Variants in NRXN3 observed in about 807,000 individuals in gnomAD.
NRXN3 encodes the protein neurexin 3, also known as neurexin III.
A neutral mutation model predicts 137.6 loss-of-function variants in NRXN3; 32 were observed. The observed-to-expected ratio is 0.23, with a 90% confidence interval of 0.18 to 0.31. The LOEUF (loss-of-function observed/expected upper bound fraction) is 0.31, where lower values mean the gene tolerates loss of function less well. Ranked by LOEUF, NRXN3 falls within the 10% of genes least tolerant of loss-of-function variation. The pLI, the probability that NRXN3 is intolerant of heterozygous loss-of-function variation, is 1.00. For missense variants in NRXN3, 1,574 were observed against 2,062.5 expected (o/e 0.76, Z 4.59); for synonymous variants, 798 against 784.5 (o/e 1.02, Z -0.29).
intron 14 of NRXN3, among the ~76,000 whole-genome samples, chr14:78,969,941 A>G (rs1205315244): frequency 6.6e-6 from 1 of 151,656 alleles, no homozygotes; most frequent in Non-Finnish European, 1.5e-5. Flanking sequence ...TCAATCAGGG[A>G]TTTTTGTCTC....
chr14:79,346,153 C>T (rs1372306071), intron 15 of NRXN3, among the ~76,000 whole-genome samples: 1 of 152,210 alleles, frequency 6.6e-6, no homozygotes, highest in Admixed American at 6.5e-5. Flanking sequence ...GGCACAGTGG[C>T]TCACGCCTAT....
At chr14:78,616,535 T>C (rs554460413) in intron 4 of NRXN3, among the ~76,000 whole-genome samples, 2 of 152,334 alleles carry the variant, frequency 1.3e-5, no homozygotes, top group East Asian at 1.9e-4. Flanking sequence ...CGTCCATCTG[T>C]AGGCTTTTCT....
intron 4 of NRXN3, among the ~76,000 whole-genome samples, chr14:78,333,524 C>T (rs576177360): frequency 6.6e-6 from 1 of 152,102 alleles, no homozygotes; most frequent in African/African-American, 2.4e-5. Flanking sequence ...TAGATAGATG[C>T]TGGTAGGTGA....
At position 79,861,628 on chromosome 14, in the gene NRXN3, A is replaced by C. The variant is rs2099414003; in HGVS notation, c.4380A>C (p.Leu1460=). ...ACAGCACCAAACTGAAGAGCCCACT[A>C]ATTACTTCCCCCATGTTCCGTAATG... ...ELDSTKLKSP[L]ITSPMFRNVP... The change falls in exon 21 of 21, where the codon CTA becomes CTC. Residue 1460 remains leucine, a synonymous_variant. Coordinates refer to ENST00000335750, the MANE Select transcript of NRXN3 (RefSeq NM_001330195.2). This position sits in a 1 kb window ranked among gnomAD's most constrained non-coding sequence, Gnocchi z 5.4. The C allele has an allele frequency of 1.2e-6, 2 of 1,613,982 alleles. No individual in the cohort carries two copies. Among genetic ancestry groups the C allele is most frequent in the Non-Finnish European group, 1.7e-6 (2 of 1,180,004 alleles).
intron 15 of NRXN3, among the ~76,000 whole-genome samples, chr14:79,141,657 G>A (rs2058797033): frequency 6.6e-6 from 1 of 152,146 alleles, no homozygotes; most frequent in Non-Finnish European, 1.5e-5. Flanking sequence ...ACATTTAAAA[G>A]TAGTTAGTTA....
At chr14:79,562,168 A>T (rs2097503934) in intron 16 of NRXN3, among the ~76,000 whole-genome samples, 1 of 152,156 alleles carries the variant, frequency 6.6e-6, no homozygotes, top group African/African-American at 2.4e-5. Context: ...GCCAGTTTAA[A>T]TTACTTGCCT....
chr14:79,079,129 C>T (rs1041562282), intron 15 of NRXN3, among the ~76,000 whole-genome samples: 4 of 152,152 alleles, frequency 2.6e-5, no homozygotes, highest in Non-Finnish European at 5.9e-5. Flanking sequence ...ATTCCTGGTA[C>T]CTGTATTCAG....
At chr14:78,476,230 A>G (rs1567699131) in intron 4 of NRXN3, among the ~76,000 whole-genome samples, 2 of 152,248 alleles carry the variant, frequency 1.3e-5, no homozygotes, top group African/African-American at 4.8e-5. Context: ...AAAAGACTAT[A>G]AACAAAGAAA....
chr14:78,510,297 G>A (rs1012702708), intron 4 of NRXN3, among the ~76,000 whole-genome samples: 11 of 151,862 alleles, frequency 7.2e-5, no homozygotes, highest in African/African-American at 2.7e-4. Flanking sequence ...TACTTAATGA[G>A]GAAGCTATAA....
chr14:78,534,207 C>T (rs1025360920), intron 4 of NRXN3, among the ~76,000 whole-genome samples: 9 of 152,198 alleles, frequency 5.9e-5, no homozygotes, highest in African/African-American at 2.2e-4. Flanking sequence ...ATGGATTTTG[C>T]TGCCTCTCTC....
At chr14:78,777,360 C>T (rs1020018260) in intron 8 of NRXN3, among the ~76,000 whole-genome samples, 2 of 152,150 alleles carry the variant, frequency 1.3e-5, no homozygotes, top group African/African-American at 2.4e-5. Flanking sequence ...TTCTTGGGGG[C>T]TCCAAATACA....
intron 15 of NRXN3, among the ~76,000 whole-genome samples, chr14:79,426,713 G>C (rs1567093782): frequency 6.6e-6 from 1 of 151,844 alleles, no homozygotes; most frequent in Non-Finnish European, 1.5e-5. Flanking sequence ...GTGTGTAGGT[G>C]TTGAGGATGG....
chr14:78,913,282 T>TC (rs2099245684), intron 10 of NRXN3, among the ~76,000 whole-genome samples: 1 of 131,372 alleles, frequency 7.6e-6, no homozygotes, highest in African/African-American at 2.9e-5. Context: ...TTCTTTTTTT[T>TC]TTTTTTTTTT....
intron 16 of NRXN3, among the ~76,000 whole-genome samples, chr14:79,649,424 T>C (rs1384779386): frequency 6.6e-6 from 1 of 152,186 alleles, no homozygotes; most frequent in Non-Finnish European, 1.5e-5. Flanking sequence ...TTTATTTATA[T>C]TTATTTTGAC....
At position 79,007,742 on chromosome 14, in the gene NRXN3, C is replaced by CTTGCA. The variant is rs542839829; in HGVS notation, c.3262+19602_3262+19606dup. On this transcript the variant is annotated intron_variant, in intron 15 of 20. Transcript: ENST00000335750. ...AATGGCGTGAACCCGGGAGGCAGAG[C>CTTGCA]TTGCAGTGAGCCGAGATCATGCCAC... 3.6e-3 allele frequency among the ~76,000 whole-genome samples: 507 copies of CTTGCA among 139,220 alleles called. 14 individuals carry two copies. The highest frequency in any genetic ancestry group is 0.032 in the East Asian group (149 of 4,598). 91.3% of individuals were successfully genotyped at this position (139,220 alleles called of 152,430 possible).
intron 16 of NRXN3, among the ~76,000 whole-genome samples, chr14:79,652,607 G>A (rs1258658256): frequency 6.6e-6 from 1 of 152,138 alleles, no homozygotes; most frequent in Non-Finnish European, 1.5e-5. Context: ...TATCGAAAGA[G>A]CACATAGCTT....
At chr14:79,686,778 T>C (rs529100607) in intron 17 of NRXN3, among the ~76,000 whole-genome samples, 2 of 152,238 alleles carry the variant, frequency 1.3e-5, no homozygotes, top group South Asian at 4.1e-4. Context: ...CAGCCTAGAG[T>C]TGGTAAACCC....
intron 15 of NRXN3, among the ~76,000 whole-genome samples, chr14:79,381,627 A>G (rs1266177164): frequency 6.6e-6 from 1 of 152,158 alleles, no homozygotes; most frequent in African/African-American, 2.4e-5. Flanking sequence ...CATAATTCTC[A>G]GTCAAAAGGA....
chr14:79,127,742 A>G (rs2056770580), intron 15 of NRXN3, among the ~76,000 whole-genome samples: 2 of 152,162 alleles, frequency 1.3e-5, no homozygotes, highest in South Asian at 4.1e-4. Context: ...TGGGGATGGT[A>G]TTGAATCTGT....
Sources: allele counts gnomAD v4.1 joint callset (sites outside exome capture counted in the v4.1 genomes callset), GRCh38; gene constraint gnomAD v4.1.1; non-coding constraint Gnocchi (gnomAD v3.1); transcripts MANE v1.5; gene names NCBI Gene and HGNC (gene_info 2026-07-23, HGNC 2026-07-21).